Variants in CROT observed in about 807,000 individuals in gnomAD.
CROT encodes carnitine O-octanoyltransferase, also known as peroxisomal carnitine O-octanoyltransferase.
CROT carries 84 observed loss-of-function variants against 89.2 expected under a neutral mutation model. The ratio of observed to expected loss-of-function variants is 0.94; its 90% confidence interval spans 0.79 to 1.13. CROT has a LOEUF of 1.13. Ranked by LOEUF, CROT falls within the 50% of genes most tolerant of loss-of-function variation. The probability of loss-of-function intolerance (pLI) is 0.00; values close to 1 mark genes in which losing one functional copy is unlikely to be tolerated. For missense variants in CROT, 711 were observed against 727.8 expected (o/e 0.98, Z 0.27); for synonymous variants, 212 against 239.5 (o/e 0.89, Z 1.06).
intron 7 of CROT, among the ~76,000 whole-genome samples, chr7:87,370,624 A>G (rs1399777698): frequency 1.3e-5 from 2 of 152,248 alleles, no homozygotes; most frequent in African/African-American, 2.4e-5. Context: ...ACAGAAATGT[A>G]CAACTAAATA....
intron 13 of CROT, among the ~76,000 whole-genome samples, chr7:87,383,057 A>T (rs1165252801): frequency 6.6e-6 from 1 of 152,222 alleles, no homozygotes; most frequent in African/African-American, 2.4e-5. Context: ...GTAATGGTCA[A>T]ATCACGGTAA....
intron 3 of CROT, among the ~76,000 whole-genome samples, chr7:87,349,512 T>A (rs1302657275): frequency 6.6e-6 from 1 of 152,192 alleles, no homozygotes; most frequent in African/African-American, 2.4e-5. Context: ...TTCTGTTGAT[T>A]TAAAGAAAAC....
intron 13 of CROT, among the ~76,000 whole-genome samples, chr7:87,389,583 TG>T (rs1361215677): frequency 2.1e-5 from 3 of 141,934 alleles, no homozygotes; most frequent in African/African-American, 8.0e-5. Context: ...TGAGAATACA[TG>T]GACACAGGAA....
intron 10 of CROT, among the ~76,000 whole-genome samples, chr7:87,380,871 A>G (rs1806973328): frequency 6.6e-6 from 1 of 152,224 alleles, no homozygotes; most frequent in South Asian, 2.1e-4. Context: ...CAGTTGTGAG[A>G]TACTGTTAGA....
intron 13 of CROT, among the ~76,000 whole-genome samples, chr7:87,385,335 G>A (rs1807153584): frequency 1.3e-5 from 2 of 151,984 alleles, no homozygotes; most frequent in Admixed American, 6.6e-5. Flanking sequence ...AACATAGGTT[G>A]TCTTTCCATT....
chr7:87,365,197 G>A (rs1806398053), intron 6 of CROT, among the ~76,000 whole-genome samples: 1 of 152,090 alleles, frequency 6.6e-6, no homozygotes, highest in Non-Finnish European at 1.5e-5. Flanking sequence ...CATGTGTAAA[G>A]TGAAAATTGG....
At chr7:87,348,824 C>T (rs183177301) in intron 2 of CROT, among the ~76,000 whole-genome samples, 1 of 152,318 alleles carries the variant, frequency 6.6e-6, no homozygotes, top group Non-Finnish European at 1.5e-5. Flanking sequence ...ACTAATTATA[C>T]CAGTCCCACT....
At chr7:87,392,336 C>T (rs563331191) in intron 14 of CROT, among the ~76,000 whole-genome samples, 6 of 152,130 alleles carry the variant, frequency 3.9e-5, no homozygotes, top group African/African-American at 1.2e-4. Context: ...TCAGTGCTGC[C>T]CACAAGTTCA....
At chr7:87,370,685 A>G (rs1806604068) in intron 7 of CROT, among the ~76,000 whole-genome samples, 1 of 152,180 alleles carries the variant, frequency 6.6e-6, no homozygotes, top group Non-Finnish European at 1.5e-5. Flanking sequence ...TAATACTCCA[A>G]AGATTCCCGT....
intron 6 of CROT, among the ~76,000 whole-genome samples, chr7:87,367,887 C>T (rs763074101): frequency 6.6e-6 from 1 of 152,204 alleles, no homozygotes; most frequent in African/African-American, 2.4e-5. Flanking sequence ...ACTTTAGTCA[C>T]CTCCTAACTT....
intron 13 of CROT, among the ~76,000 whole-genome samples, chr7:87,385,405 C>A (rs1296527476): frequency 6.6e-6 from 1 of 151,742 alleles, no homozygotes; most frequent in East Asian, 1.9e-4. Flanking sequence ...GATTTTTTTA[C>A]TTTTTTGGTT....
intron 2 of CROT, among the ~76,000 whole-genome samples, chr7:87,346,894 C>G (rs957115536): frequency 6.6e-6 from 1 of 152,218 alleles, no homozygotes; most frequent in African/African-American, 2.4e-5. Context: ...TAGAATTTCA[C>G]AAAACCGAAA....
chr7:87,361,251 C>T, intron 4 of CROT, 139 bp from the exon 5 acceptor site: 1 of 848,748 alleles, frequency 1.2e-6, no homozygotes, highest in South Asian at 1.9e-5. Flanking sequence ...GTGTGAGTCA[C>T]CTCACCCAGC....
chr7:87,367,480 G>T (rs778317960), intron 6 of CROT, among the ~76,000 whole-genome samples: 5 of 152,170 alleles, frequency 3.3e-5, no homozygotes, highest in Non-Finnish European at 7.4e-5. Flanking sequence ...TAATAAATTT[G>T]TGTTGTTTTA....
chr7:87,380,561 A>C (rs1356313600), intron 10 of CROT, among the ~76,000 whole-genome samples: 1 of 152,206 alleles, frequency 6.6e-6, no homozygotes, highest in Non-Finnish European at 1.5e-5. Flanking sequence ...CTACATTCTT[A>C]AACACTATGT....
At chr7:87,357,085 G>A (rs1216488922) in intron 3 of CROT, among the ~76,000 whole-genome samples, 1 of 152,176 alleles carries the variant, frequency 6.6e-6, no homozygotes, top group Non-Finnish European at 1.5e-5. Context: ...CCTGAGACAT[G>A]ACAAAGCAAA....
At chr7:87,392,443 G>C (rs1248469425) in intron 14 of CROT, 123 bp from the exon 15 acceptor site, 2 of 728,556 alleles carry the variant, frequency 2.7e-6, no homozygotes, top group Non-Finnish European at 4.8e-6. Context: ...ATGTGTTATA[G>C]ATCTTCCTAG....
chr7:87,384,259 G>A (rs1412124174), intron 13 of CROT, among the ~76,000 whole-genome samples: 1 of 151,940 alleles, frequency 6.6e-6, no homozygotes, highest in Non-Finnish European at 1.5e-5. Flanking sequence ...GTCACTGGGC[G>A]CATGGCTCAC....
chr7:87,383,225 C>T (rs1330686033), intron 13 of CROT, among the ~76,000 whole-genome samples: 1 of 152,070 alleles, frequency 6.6e-6, no homozygotes, highest in Non-Finnish European at 1.5e-5. Context: ...CTAACTGTAC[C>T]ATTATACCCA....
Sources: gnomAD v4.1 joint callset for allele counts (sites outside exome capture counted in the v4.1 genomes callset) on GRCh38, gnomAD v4.1.1 for gene constraint, MANE v1.5 for transcripts, NCBI Gene and HGNC (gene_info 2026-07-23, HGNC 2026-07-21) for gene names.